Variants in KIFAP3 observed in about 807,000 individuals in gnomAD.
KIFAP3 encodes kinesin associated protein 3.
A neutral mutation model predicts 106.5 loss-of-function variants in KIFAP3; 68 were observed. That is an observed-to-expected ratio of 0.64 (90% CI 0.53 to 0.78). The LOEUF is 0.78. Among genes scored for constraint, KIFAP3 ranks in the 30% least tolerant of loss-of-function variants. The pLI is 0.00. For synonymous variants in KIFAP3, 320 were observed against 311.5 expected, an observed-to-expected ratio of 1.03 and a Z score of -0.29; for missense variants, 780 against 941.8, an observed-to-expected ratio of 0.83 and a Z score of 2.25.
upstream of KIFAP3, among the ~76,000 whole-genome samples, chr1:170,079,150 T>A (rs1671975100): frequency 6.6e-6 from 1 of 152,212 alleles, no homozygotes; most frequent in Admixed American, 6.5e-5. Context: ...TATACTGTCC[T>A]TGTGGTAATT....
intron 19 of KIFAP3, among the ~76,000 whole-genome samples, chr1:169,929,335 CATAAGAAAAGAGGTT>C (rs1261820101): frequency 6.6e-6 from 1 of 152,048 alleles, no homozygotes; most frequent in African/African-American, 2.4e-5. Context: ...GAAAATAGAT[CATAAGAAAAGAGGTT>C]ATAAGAAAAG....
intron 19 of KIFAP3, among the ~76,000 whole-genome samples, chr1:169,940,650 C>T (rs997218395): frequency 6.6e-6 from 1 of 152,160 alleles, no homozygotes; most frequent in Non-Finnish European, 1.5e-5. Context: ...GGAGCTTAGG[C>T]AGTAAGGTTT....
chr1:169,971,651 C>A (rs1175947721), intron 17 of KIFAP3, among the ~76,000 whole-genome samples: 1 of 151,856 alleles, frequency 6.6e-6, no homozygotes. Flanking sequence ...ACATCACTAG[C>A]AGAAAATCCA....
intron 2 of KIFAP3, among the ~76,000 whole-genome samples, chr1:170,050,504 T>C (rs12032699): frequency 0.089 from 13,567 of 152,086 alleles, 1,554 homozygotes; most frequent in African/African-American, 0.26. Context: ...ACCACTAAGA[T>C]ACTCCTCGAG....
chr1:169,936,877 A>G (rs1663834787), intron 19 of KIFAP3, among the ~76,000 whole-genome samples: 1 of 151,024 alleles, frequency 6.6e-6, no homozygotes, highest in Non-Finnish European at 1.5e-5. Flanking sequence ...AATATTTCCA[A>G]TAGACAAATA....
intron 3 of KIFAP3, among the ~76,000 whole-genome samples, chr1:170,042,550 T>A (rs1194640323): frequency 6.6e-6 from 1 of 152,234 alleles, no homozygotes; most frequent in Non-Finnish European, 1.5e-5. Flanking sequence ...ATTCATATTG[T>A]TCCCTTTCTT....
chr1:170,009,839 T>A (rs1056798072), intron 10 of KIFAP3, among the ~76,000 whole-genome samples: 2 of 152,042 alleles, frequency 1.3e-5, no homozygotes, highest in Admixed American at 6.6e-5. Context: ...AGGAAAAAAA[T>A]TTTTTTGAAG....
rs751752825 is a variant in KIFAP3, at chr1:170,031,895, G to A, written c.832C>T (p.Leu278=). The A allele has an allele frequency of 2.5e-6, 4 of 1,598,678 alleles. No individual in the cohort carries two copies. In the South Asian group the frequency reaches 3.3e-5, roughly 13 times the overall value. Residue 278 remains leucine (L), a synonymous_variant, in exon 8 of 20, where the codon CTA becomes TTA. Transcript: ENST00000361580. ...YQGLVVKQEQ[L]LRVALYLLLN... ...GCTTAGGAATTCATACCTCGTAATA[G>A]CTGTTCCTGTTTTACCACAAGCCCC...
rs74616468 is a variant in KIFAP3 at position 170,030,876 on chromosome 1, G to A, written c.841+1010C>T. On this transcript the variant is annotated intron_variant, in intron 8 of 19. Coordinates refer to ENST00000361580, the MANE Select transcript of KIFAP3 (RefSeq NM_014970.4). ...TGGATATGTACCTTATCTTGATTATGGTCATTATTTCATGGGTATTTACAT... is the reference window on the plus strand; with the variant it reads ...TGGATATGTACCTTATCTTGATTATAGTCATTATTTCATGGGTATTTACAT... Among the ~76,000 whole-genome samples, 1,000 of 151,480 alleles carry A rather than the reference G, an allele frequency of 6.6e-3. 12 individuals are homozygous for A. The highest frequency in any genetic ancestry group is 0.024 in the Middle Eastern group (7 of 294).
chr1:169,948,458 G>C (rs1325198996), intron 19 of KIFAP3, among the ~76,000 whole-genome samples: 2 of 151,894 alleles, frequency 1.3e-5, no homozygotes, highest in African/African-American at 2.4e-5. Flanking sequence ...AAATGAAGCA[G>C]TATTTTAGTC....
rs200063654 is a variant in KIFAP3 at position 169,954,148 on chromosome 1, G to A, written c.2174-38C>T. The A allele has an allele frequency of 1.0e-3, 1,272 of 1,258,778 alleles. 2 individuals are homozygous for A. The highest frequency in any genetic ancestry group is 1.3e-3 in the Non-Finnish European group (1,137 of 862,012). 78.0% of individuals were successfully genotyped at this position (1,258,778 alleles called of 1,614,324 possible). A position where few individuals can be genotyped will look rare whatever the true frequency, so the allele number is the denominator to read the frequency against. On this transcript the variant is annotated intron_variant, in intron 18 of 19. Transcript: ENST00000361580. ...AAAAATGGTAACCAGTAAAACATAT[G>A]TGTAGGAAAAACCTGTCTATCAAGC...
intron 1 of KIFAP3, among the ~76,000 whole-genome samples, chr1:170,065,667 T>C (rs1434509769): frequency 6.6e-6 from 1 of 151,014 alleles, no homozygotes; most frequent in Non-Finnish European, 1.5e-5. Flanking sequence ...TGCCTTTCCA[T>C]TGGAACATTA....
chr1:170,003,135 T>C lies in KIFAP3; in HGVS notation c.1184-10880A>G, dbSNP rs573885772. 3.3e-5 allele frequency among the ~76,000 whole-genome samples: 5 copies of C among 152,260 alleles called. No individual in the cohort carries two copies. In the East Asian group the frequency reaches 9.6e-4, roughly 29 times the overall value. On this transcript the variant is annotated intron_variant, in intron 10 of 19. Transcript: ENST00000361580. ...AACAAAAGATATATAAAATAGAAGATGCAAATTTTTATTATTACATTCAGC... is the reference window on the plus strand; with the variant it reads ...AACAAAAGATATATAAAATAGAAGACGCAAATTTTTATTATTACATTCAGC...
intron 1 of KIFAP3, among the ~76,000 whole-genome samples, chr1:170,060,583 C>T (rs931922097): frequency 3.3e-5 from 5 of 151,958 alleles, no homozygotes; most frequent in South Asian, 2.1e-4. Flanking sequence ...ATGGCCATAC[C>T]GCCTAGGTAA....
intron 10 of KIFAP3, among the ~76,000 whole-genome samples, chr1:170,005,740 G>A (rs1226983297): frequency 2.7e-5 from 4 of 148,400 alleles, no homozygotes; most frequent in Admixed American, 2.7e-4. Context: ...ATAGCATTAG[G>A]AGATATACCT....
intron 19 of KIFAP3, among the ~76,000 whole-genome samples, chr1:169,945,950 C>T (rs1664419260): frequency 6.6e-6 from 1 of 152,110 alleles, no homozygotes. Flanking sequence ...AAATGCAAAT[C>T]ATTAGTGTCC....
chr1:170,038,235 T>C, intron 5 of KIFAP3, 55 bp downstream of exon 5: 1 of 1,351,034 alleles, frequency 7.4e-7, no homozygotes, highest in South Asian at 1.5e-5. Context: ...AAGTTTTGTA[T>C]AAATAACTGT....
intron 19 of KIFAP3, among the ~76,000 whole-genome samples, chr1:169,926,294 C>T (rs1305459185): frequency 6.6e-6 from 1 of 152,162 alleles, no homozygotes; most frequent in Non-Finnish European, 1.5e-5. Context: ...GATATGACTG[C>T]TTCACAACCC....
At chr1:169,984,444 G>A (rs1052199805) in intron 12 of KIFAP3, 138 bp downstream of exon 12, 9 of 437,086 alleles carry the variant, frequency 2.1e-5, no homozygotes, top group Non-Finnish European at 3.7e-5. Flanking sequence ...TGACCTTTAA[G>A]GATTATAGCT....
Sources: allele counts gnomAD v4.1 joint callset (sites outside exome capture counted in the v4.1 genomes callset), GRCh38; gene constraint gnomAD v4.1.1; transcripts MANE v1.5; gene names NCBI Gene and HGNC (gene_info 2026-07-23, HGNC 2026-07-21).